Variants in LRRC4C observed in about 807,000 individuals in gnomAD.
The protein encoded by LRRC4C is leucine-rich repeat-containing protein 4C.
Under a neutral mutation model 33.6 loss-of-function variants are expected in LRRC4C, and 5 were observed. That is an observed-to-expected ratio of 0.15 (90% confidence interval 0.08 to 0.31). The LOEUF is 0.31. Among genes scored for constraint, LRRC4C ranks in the 10% least tolerant of loss-of-function variants. The probability of loss-of-function intolerance (pLI) is 1.00; values close to 1 mark genes in which losing one functional copy is unlikely to be tolerated. For synonymous variants in LRRC4C, 329 were observed against 302.0 expected (o/e 1.09, Z -0.93); for missense variants, 560 against 796.7 (o/e 0.70, Z 3.58).
At chr11:41,261,647 G>A (rs1006408159) in intron 1 of LRRC4C, among the ~76,000 whole-genome samples, 2 of 152,078 alleles carry the variant, frequency 1.3e-5, no homozygotes, top group African/African-American at 4.8e-5. Flanking sequence ...GGAAAACTGG[G>A]GCTTGTAGGG....
chr11:40,727,366 C>T (rs1947334915), intron 2 of LRRC4C, among the ~76,000 whole-genome samples: 1 of 152,018 alleles, frequency 6.6e-6, no homozygotes. Context: ...TAGCCATATG[C>T]AGAAGAATGA....
chr11:40,234,652 TCCCA>T (rs1286796606), intron 5 of LRRC4C, among the ~76,000 whole-genome samples: 2 of 152,134 alleles, frequency 1.3e-5, no homozygotes, highest in Non-Finnish European at 1.5e-5. Context: ...ACGCATGTGG[TCCCA>T]GCTAGTTAGG....
intron 2 of LRRC4C, among the ~76,000 whole-genome samples, chr11:40,818,095 A>G (rs532558327): frequency 6.6e-6 from 1 of 152,234 alleles, no homozygotes; most frequent in African/African-American, 2.4e-5. Context: ...CCTGACTTAT[A>G]AAAACTATAA....
chr11:40,706,790 T>C (rs1946189501), intron 2 of LRRC4C, among the ~76,000 whole-genome samples: 1 of 152,310 alleles, frequency 6.6e-6, no homozygotes, highest in Middle Eastern at 3.4e-3. Context: ...ATCTCTAAAT[T>C]ACCTTGGGCA....
At chr11:41,261,189 A>G (rs923373749) in intron 1 of LRRC4C, among the ~76,000 whole-genome samples, 8 of 152,104 alleles carry the variant, frequency 5.3e-5, no homozygotes, top group Non-Finnish European at 1.0e-4. Context: ...CCCTTCTGCC[A>G]GGTGAGAACA....
At chr11:40,893,823 ACACACACACACACAC>A in intron 2 of LRRC4C, among the ~76,000 whole-genome samples, 2 of 122,632 alleles carry the variant, frequency 1.6e-5, no homozygotes, top group Admixed American at 1.5e-4. Context: ...ATTATAACAC[ACACACACACACACAC>A]ACACACACAC....
At chr11:40,295,564 T>G (rs958681674) in intron 4 of LRRC4C, among the ~76,000 whole-genome samples, 8 of 152,186 alleles carry the variant, frequency 5.3e-5, no homozygotes, top group African/African-American at 1.7e-4. Flanking sequence ...TTTTTCCTCT[T>G]CTGTTCCCAT....
intron 2 of LRRC4C, among the ~76,000 whole-genome samples, chr11:40,752,343 T>C (rs1302350435): frequency 6.6e-6 from 1 of 151,974 alleles, no homozygotes. Context: ...CTGCAAACTA[T>C]TCATTCAACA....
intron 1 of LRRC4C, among the ~76,000 whole-genome samples, chr11:41,071,266 GTAGGGAAAGC>G (rs1453060432): frequency 2.6e-5 from 4 of 152,084 alleles, no homozygotes; most frequent in African/African-American, 9.7e-5. Context: ...GGATGCAAGG[GTAGGGAAAGC>G]ATTAGGAAAA....
intron 4 of LRRC4C, among the ~76,000 whole-genome samples, chr11:40,268,953 G>A (rs1045203130): frequency 5.9e-5 from 9 of 152,168 alleles, no homozygotes; most frequent in East Asian, 3.9e-4. Flanking sequence ...TATTGTTTTC[G>A]CCCTGTTTAA....
intron 3 of LRRC4C, among the ~76,000 whole-genome samples, chr11:40,607,787 C>T (rs1230790899): frequency 6.6e-6 from 1 of 152,098 alleles, no homozygotes; most frequent in African/African-American, 2.4e-5. Flanking sequence ...TAACACAAGC[C>T]ACCTGCCGAT....
intron 2 of LRRC4C, among the ~76,000 whole-genome samples, chr11:40,734,398 T>C (rs1425104626): frequency 6.6e-6 from 1 of 152,168 alleles, no homozygotes; most frequent in Non-Finnish European, 1.5e-5. Context: ...TCCCTCCTGC[T>C]CACCTTCCCT....
At chr11:41,022,599 A>G (rs1856062662) in intron 1 of LRRC4C, among the ~76,000 whole-genome samples, 1 of 151,998 alleles carries the variant, frequency 6.6e-6, no homozygotes, top group South Asian at 2.1e-4. Flanking sequence ...TCCTGATATA[A>G]TAGTACACAT....
rs553047886 is a variant in LRRC4C, at chr11:40,517,899, G to C, written c.-270+130243C>G. Among the ~76,000 whole-genome samples the C allele has an allele frequency of 1.1e-4, 17 of 152,204 alleles. No individual in the cohort carries two copies. The South Asian group carries it at 3.5e-3, about 32-fold the overall frequency. ...CAATAACCAAAACAGCATGGTACTG[G>C]TACCAAAACAGATATATAGACCAAT... is the stretch of plus-strand genomic sequence containing the variant. On this transcript the variant is annotated intron_variant, in intron 3 of 6. Coordinates refer to ENST00000528697, the MANE Select transcript of LRRC4C (RefSeq NM_001258419.2).
chr11:41,073,347 TG>T (rs1442943183), intron 1 of LRRC4C, among the ~76,000 whole-genome samples: 1 of 152,024 alleles, frequency 6.6e-6, no homozygotes, highest in East Asian at 1.9e-4. Flanking sequence ...TTTTAACAAC[TG>T]GCTTTCTCTG....
At chr11:40,936,391 G>T (rs1166170200) in intron 1 of LRRC4C, among the ~76,000 whole-genome samples, 1 of 140,426 alleles carries the variant, frequency 7.1e-6, no homozygotes, top group Non-Finnish European at 1.5e-5. Flanking sequence ...AGGCTGGAGT[G>T]CAGTGGCGCG....
At chr11:40,536,168 G>A (rs901042333) in intron 3 of LRRC4C, among the ~76,000 whole-genome samples, 3 of 152,042 alleles carry the variant, frequency 2.0e-5, no homozygotes, top group Non-Finnish European at 1.5e-5. Flanking sequence ...TCAGAAACTA[G>A]GTATAAGGCT....
chr11:41,365,161 G>A (rs12282702), intron 1 of LRRC4C, among the ~76,000 whole-genome samples: 27,062 of 151,956 alleles, frequency 0.18, 2,701 homozygotes, highest in East Asian at 0.42. Context: ...TACTGCCTGA[G>A]CTCTGCCTCC....
intron 1 of LRRC4C, among the ~76,000 whole-genome samples, chr11:41,222,516 G>A (rs551684529): frequency 6.6e-6 from 1 of 152,242 alleles, no homozygotes; most frequent in Non-Finnish European, 1.5e-5. Flanking sequence ...CAACAAACAT[G>A]AGACTTGGGC....
Sources: gnomAD v4.1 joint callset for allele counts (sites outside exome capture counted in the v4.1 genomes callset) on GRCh38, gnomAD v4.1.1 for gene constraint, MANE v1.5 for transcripts, NCBI Gene and HGNC (gene_info 2026-07-23, HGNC 2026-07-21) for gene names.